Variants in PC observed in about 807,000 individuals in gnomAD.
The protein encoded by PC is pyruvate carboxylase, mitochondrial.
PC carries 46 observed loss-of-function variants against 107.8 expected under a neutral mutation model. The ratio of observed to expected loss-of-function variants is 0.43; its 90% CI spans 0.34 to 0.55. The LOEUF is 0.55. Ranked by LOEUF, PC falls within the 20% of genes least tolerant of loss-of-function variation. The pLI is 0.04. For missense variants in PC, 1,241 were observed against 1,643.1 expected, an observed-to-expected ratio of 0.76 and a Z score of 4.23; for synonymous variants, 662 against 684.7, an observed-to-expected ratio of 0.97 and a Z score of 0.52.
rs748941181 is a variant in PC, at chr11:66,851,197, C to T, written c.2066G>A (p.Gly689Asp). ...SLNYLPNMLL[G>D]MEAAGSAGGV... ...TCCGGCACTTCCTGCCGCCTCCATG[C>T]CCAGCAGCATGTTGGGCAAGTAGTT... is the stretch of plus-strand genomic sequence containing the variant. Residue 689 changes from glycine (G) to aspartate (D), a missense_variant, in exon 17 of 23, where the codon GGC (glycine) becomes GAC (aspartate). By Grantham distance (94) the Gly-to-Asp change is moderately conservative (BLOSUM62 -1). Coordinates refer to ENST00000393960, the MANE Select transcript of PC (RefSeq NM_001040716.2). 6.2e-7 allele frequency: 1 copy of T among 1,610,142 alleles called. No individual in the cohort carries two copies. Among genetic ancestry groups the T allele is most frequent in the Non-Finnish European group, 8.5e-7 (1 of 1,179,992 alleles).
intron 3 of PC, among the ~76,000 whole-genome samples, chr11:66,921,553 G>C (rs1948597132): frequency 6.6e-6 from 1 of 152,074 alleles, no homozygotes; most frequent in African/African-American, 2.4e-5. Context: ...CAAACACACG[G>C]CCCTCTGGGG....
chr11:66,856,346 C>G (rs914845419), intron 12 of PC, among the ~76,000 whole-genome samples: 2 of 151,628 alleles, frequency 1.3e-5, no homozygotes, highest in African/African-American at 4.8e-5. Flanking sequence ...GGCTCCGGAA[C>G]GCCTGGCCCG....
At chr11:66,863,061 G>A (rs950340457) in intron 12 of PC, among the ~76,000 whole-genome samples, 2 of 152,228 alleles carry the variant, frequency 1.3e-5, no homozygotes, top group Non-Finnish European at 2.9e-5. Context: ...TATCTGGGAG[G>A]CCAGGCACGG....
Position 66,870,759 on chromosome 11 carries a change from C to G in PC, c.751+16G>C, listed in dbSNP as rs762932957. 5.0e-6 allele frequency: 8 copies of G among 1,603,070 alleles called. No individual in the cohort carries two copies. In the African/African-American group the frequency reaches 1.1e-4, roughly 22 times the overall value. On this transcript the variant is annotated intron_variant, in intron 8 of 22. Transcript: ENST00000393960. The surrounding 1 kb of genome is among the most constrained non-coding windows in gnomAD (Gnocchi z 6.1). ...CCGCCTCCAGCTGCCCCAGGCGGGG[C>G]GTCAGGACCACTCACCCAAGATCTG...
intron 3 of PC, among the ~76,000 whole-genome samples, chr11:66,888,106 T>C (rs1947439598): frequency 6.6e-6 from 1 of 152,222 alleles, no homozygotes. Flanking sequence ...GAATCCTTCA[T>C]CACATCTGAA....
At chr11:66,900,660 G>C (rs903884518) in intron 3 of PC, among the ~76,000 whole-genome samples, 1 of 152,086 alleles carries the variant, frequency 6.6e-6, no homozygotes, top group East Asian at 1.9e-4. Flanking sequence ...CCATTTATTT[G>C]GGTCTTCTTT....
At chr11:66,900,329 C>T (rs549028085) in intron 3 of PC, among the ~76,000 whole-genome samples, 1 of 152,042 alleles carries the variant, frequency 6.6e-6, no homozygotes, top group Non-Finnish European at 1.5e-5. Flanking sequence ...CGCCCACCAC[C>T]ACGCCCGACT....
Position 66,853,208 on chromosome 11 carries a change from G to C in PC, c.1513+31C>G, listed in dbSNP as rs779980915. On this transcript the variant is annotated intron_variant, in intron 13 of 22. Coordinates refer to ENST00000393960, the MANE Select transcript of PC (RefSeq NM_001040716.2). Reference sequence around the variant, plus strand: ...AGAGATTGGAGAGCGGAGGGGAGGGGAGGGCAGGGCAGGGCAGTCTCGGGC... The same window carrying C: ...AGAGATTGGAGAGCGGAGGGGAGGGCAGGGCAGGGCAGGGCAGTCTCGGGC... 5.6e-6 allele frequency: 9 copies of C among 1,608,578 alleles called. No individual in the cohort carries two copies. The African/African-American group carries it at 6.7e-5, about 12-fold the overall frequency.
chr11:66,908,678 G>T (rs904750801), intron 3 of PC, among the ~76,000 whole-genome samples: 2 of 152,098 alleles, frequency 1.3e-5, no homozygotes, highest in Non-Finnish European at 2.9e-5. Flanking sequence ...CTAATTGGTC[G>T]GAGGTCTTGC....
chr11:66,910,442 TC>T (rs1487447207), intron 3 of PC, among the ~76,000 whole-genome samples: 4 of 152,202 alleles, frequency 2.6e-5, no homozygotes, highest in Admixed American at 2.6e-4. Context: ...TCGTATGACT[TC>T]TATGGAGCAA....
intron 16 of PC, 118 bp from the exon 17 acceptor site, chr11:66,851,398 C>T: frequency 6.9e-7 from 1 of 1,454,878 alleles, no homozygotes; most frequent in Non-Finnish European, 9.4e-7. Context: ...AGGGTCTCGC[C>T]TGGCAGGGGG....
Position 66,870,365 on chromosome 11 carries a change from G to A in PC, c.840C>T (p.Ala280=), listed in dbSNP as rs376393322. Residue 280 remains alanine, a synonymous_variant, in exon 9 of 23, where the codon GCC becomes GCT. Coordinates refer to ENST00000393960, the MANE Select transcript of PC (RefSeq NM_001040716.2). The surrounding 1 kb of genome is among the most constrained non-coding windows in gnomAD (Gnocchi z 6.1). ...RHQKVVEIAP[A]AHLDPQLRTR... is the part of the protein sequence containing the mutation. The stretch of plus-strand genomic sequence containing the variant: ...TCCGAAGCTGCGGGTCCAGGTGGGC[G>A]GCGGGGGCAATCTCGACCACCTTCT... 61 of 1,613,526 alleles carry A rather than the reference G, an allele frequency of 3.8e-5. No homozygotes were observed. The highest frequency in any genetic ancestry group is 5.0e-5 in the Admixed American group (3 of 60,004).
chr11:66,908,699 G>A (rs1013958416), intron 3 of PC, among the ~76,000 whole-genome samples: 8 of 152,120 alleles, frequency 5.3e-5, no homozygotes, highest in African/African-American at 1.2e-4. Flanking sequence ...ATGGTTCGGC[G>A]CGCTCACTGT....
chr11:66,904,314 A>G (rs1948085274), intron 3 of PC, among the ~76,000 whole-genome samples: 1 of 152,126 alleles, frequency 6.6e-6, no homozygotes. Flanking sequence ...GGATAATGGG[A>G]AAAGCAGCCA....
intron 9 of PC, among the ~76,000 whole-genome samples, chr11:66,869,246 T>C (rs1295065748): frequency 6.6e-6 from 1 of 151,692 alleles, no homozygotes; most frequent in Admixed American, 6.6e-5. Context: ...CCCCCACCCA[T>C]CCCAGGCTCG....
At chr11:66,854,981 G>A (rs1000484276) in intron 12 of PC, among the ~76,000 whole-genome samples, 7 of 152,064 alleles carry the variant, frequency 4.6e-5, no homozygotes, top group Admixed American at 1.3e-4. Context: ...AGGACCCTTG[G>A]AGGCCTTCGC....
intron 3 of PC, among the ~76,000 whole-genome samples, chr11:66,943,593 A>C (rs1949202348): frequency 6.6e-6 from 1 of 151,210 alleles, no homozygotes; most frequent in Non-Finnish European, 1.5e-5. Flanking sequence ...AAAATGCAAA[A>C]AAAAAAAATT....
At chr11:66,916,078 G>C (rs1171642796) in intron 3 of PC, among the ~76,000 whole-genome samples, 1 of 152,124 alleles carries the variant, frequency 6.6e-6, no homozygotes, top group Non-Finnish European at 1.5e-5. Flanking sequence ...CCCTATTGCT[G>C]GAGGGGATCA....
chr11:66,876,708 TG>T (rs1256255333), intron 3 of PC, among the ~76,000 whole-genome samples: 1 of 152,196 alleles, frequency 6.6e-6, no homozygotes, highest in Non-Finnish European at 1.5e-5. Context: ...CTTTCCCAGC[TG>T]GGAGCAGGCG....
Sources: gnomAD v4.1 joint callset for allele counts (sites outside exome capture counted in the v4.1 genomes callset) on GRCh38, gnomAD v4.1.1 for gene constraint, Gnocchi (gnomAD v3.1) non-coding constraint, MANE v1.5 for transcripts, NCBI Gene and HGNC (gene_info 2026-07-23, HGNC 2026-07-21) for gene names.